Variants in RARB observed in about 807,000 individuals in gnomAD.
The protein encoded by RARB is HBV-activated protein.
In RARB, 17 loss-of-function variants were observed where a neutral mutation model predicts 51.9. The ratio of observed to expected loss-of-function variants is 0.33; its 90% CI spans 0.22 to 0.49. The LOEUF (loss-of-function observed/expected upper bound fraction) is 0.49. Among genes scored for constraint, RARB ranks in the 20% least tolerant of loss-of-function variants. RARB has a pLI of 0.99. For synonymous variants in RARB, 215 were observed against 195.4 expected (o/e 1.10, Z -0.84); for missense variants, 369 against 550.8 (o/e 0.67, Z 3.30).
chr3:25,185,029 T>C (rs572724045), intron 5 of RARB, among the ~76,000 whole-genome samples: 47 of 152,354 alleles, frequency 3.1e-4, no homozygotes, highest in Middle Eastern at 3.4e-3. Flanking sequence ...TAATTATGCA[T>C]TCTAACTTCC....
chr3:24,897,557 T>G (rs1323125322), intron 2 of RARB, among the ~76,000 whole-genome samples: 1 of 152,172 alleles, frequency 6.6e-6, no homozygotes, highest in African/African-American at 2.4e-5. Context: ...TAGAATACTA[T>G]AAAAAACTTG....
chr3:24,977,683 A>G (rs2125422658), intron 2 of RARB, among the ~76,000 whole-genome samples: 1 of 152,352 alleles, frequency 6.6e-6, no homozygotes, highest in South Asian at 2.1e-4. Context: ...TAAATACACA[A>G]TTATGTCATC....
chr3:24,909,825 G>GA (rs1694949751), intron 2 of RARB, among the ~76,000 whole-genome samples: 1 of 152,060 alleles, frequency 6.6e-6, no homozygotes, highest in Non-Finnish European at 1.5e-5. Flanking sequence ...GTCTGATTGT[G>GA]TAGGGCATAG....
At chr3:25,048,241 G>A (rs540500375) in intron 2 of RARB, among the ~76,000 whole-genome samples, 1 of 152,190 alleles carries the variant, frequency 6.6e-6, no homozygotes, top group South Asian at 2.1e-4. Flanking sequence ...TATCTACTTA[G>A]TGAAAAGCAC....
At chr3:25,359,756 T>A (rs1196088159) in intron 5 of RARB, among the ~76,000 whole-genome samples, 1 of 152,176 alleles carries the variant, frequency 6.6e-6, no homozygotes, top group African/African-American at 2.4e-5. Flanking sequence ...CAGGAGCAGG[T>A]TGTTCAGTTT....
chr3:25,109,397 T>C (rs1189737573), intron 3 of RARB, among the ~76,000 whole-genome samples: 6 of 152,096 alleles, frequency 3.9e-5, no homozygotes, highest in Admixed American at 3.9e-4. Flanking sequence ...GGCATTTTGG[T>C]ACTATGATCT....
At chr3:25,258,757 A>G (rs1702927831) in intron 5 of RARB, among the ~76,000 whole-genome samples, 1 of 152,166 alleles carries the variant, frequency 6.6e-6, no homozygotes, top group Non-Finnish European at 1.5e-5. Context: ...CTCATAACAC[A>G]GGAGAAGCAG....
intron 5 of RARB, among the ~76,000 whole-genome samples, chr3:25,207,446 T>C (rs1239702268): frequency 1.3e-5 from 2 of 152,238 alleles, no homozygotes; most frequent in Non-Finnish European, 2.9e-5. Context: ...AATGTGCTGC[T>C]TATATATTCT....
At chr3:25,006,485 A>G (rs985588171) in intron 2 of RARB, among the ~76,000 whole-genome samples, 4 of 152,174 alleles carry the variant, frequency 2.6e-5, no homozygotes, top group Non-Finnish European at 5.9e-5. Flanking sequence ...AAAAATATTT[A>G]AAGTACTTTT....
At chr3:24,912,927 T>A (rs1329542624) in intron 2 of RARB, among the ~76,000 whole-genome samples, 2 of 149,096 alleles carry the variant, frequency 1.3e-5, no homozygotes, top group Non-Finnish European at 3.0e-5. Flanking sequence ...CTTAAGAAAA[T>A]GTGACCCATG....
chr3:25,045,488 A>G (rs1192058586), intron 2 of RARB, among the ~76,000 whole-genome samples: 2 of 152,094 alleles, frequency 1.3e-5, no homozygotes, highest in Non-Finnish European at 2.9e-5. Flanking sequence ...CTCCCTCCAG[A>G]GGAGTGTCCT....
chr3:25,483,007 C>G (rs1246575526), intron 2 of RARB, among the ~76,000 whole-genome samples: 1 of 152,160 alleles, frequency 6.6e-6, no homozygotes, highest in African/African-American at 2.4e-5. Flanking sequence ...TTTCACACTT[C>G]CAACACATCT....
intron 5 of RARB, among the ~76,000 whole-genome samples, chr3:25,257,800 AC>A (rs1702902871): frequency 6.6e-6 from 1 of 151,808 alleles, no homozygotes; most frequent in African/African-American, 2.4e-5. Flanking sequence ...TTCTTCCCAA[AC>A]CTTCTAAGCC....
At chr3:25,093,655 T>C (rs1451889359) in intron 3 of RARB, among the ~76,000 whole-genome samples, 1 of 152,154 alleles carries the variant, frequency 6.6e-6, no homozygotes, top group Non-Finnish European at 1.5e-5. Flanking sequence ...CTGCAGATAA[T>C]ATCCTTGTTG....
chr3:25,149,921 G>A (rs1337405222), intron 4 of RARB, among the ~76,000 whole-genome samples: 1 of 152,028 alleles, frequency 6.6e-6, no homozygotes, highest in Non-Finnish European at 1.5e-5. Flanking sequence ...TAAATATCTG[G>A]TCAGGCACAG....
chr3:24,924,170 T>G (rs1695271443), intron 2 of RARB, among the ~76,000 whole-genome samples: 1 of 152,164 alleles, frequency 6.6e-6, no homozygotes, highest in Non-Finnish European at 1.5e-5. Context: ...AATCGGCTTC[T>G]TAACAGGAAT....
chr3:24,884,662 GA>G (rs1272566779), intron 2 of RARB, among the ~76,000 whole-genome samples: 1 of 152,056 alleles, frequency 6.6e-6, no homozygotes, highest in African/African-American at 2.4e-5. Flanking sequence ...ATTTCTTTGT[GA>G]AAGCTCTTTG....
At position 25,010,074 on chromosome 3, in the gene RARB, T is replaced by C. The variant is rs2125279350; in HGVS notation, c.-379-50051T>C. Among the ~76,000 whole-genome samples the C allele has an allele frequency of 1.3e-5, 2 of 152,184 alleles. 1 individual carries two copies. Among genetic ancestry groups the C allele is most frequent in the African/African-American group, 4.8e-5 (2 of 41,538 alleles). ...TATTATAACCTTAGTTCAGGTAAAG[T>C]TTTTCTTAGTGTAACTTACCCTTTT... On this transcript the variant is annotated intron_variant, in intron 2 of 11. Coordinates refer to the RARB transcript ENST00000383772.
At chr3:25,145,588 C>T (rs969106343) in intron 4 of RARB, among the ~76,000 whole-genome samples, 4 of 152,144 alleles carry the variant, frequency 2.6e-5, no homozygotes, top group African/African-American at 4.8e-5. Flanking sequence ...CTGATTGTTC[C>T]AGTGGACATT....
Sources: allele counts gnomAD v4.1 joint callset (sites outside exome capture counted in the v4.1 genomes callset), GRCh38; gene constraint gnomAD v4.1.1; transcripts MANE v1.5; gene names NCBI Gene and HGNC (gene_info 2026-07-23, HGNC 2026-07-21).